Variants in RBM23 observed in about 807,000 individuals in gnomAD.
RBM23 encodes probable RNA-binding protein 23.
In RBM23, 53 loss-of-function variants were observed where a neutral mutation model predicts 56.2. The observed-to-expected ratio is 0.94, with a 90% CI of 0.76 to 1.19. RBM23 has a LOEUF of 1.19. Among genes scored for constraint, RBM23 ranks in the 50% most tolerant of loss-of-function variants. RBM23 has a pLI of 0.00. For missense variants in RBM23, 642 were observed against 590.3 expected (o/e 1.09, Z -0.91); for synonymous variants, 197 against 198.5 (o/e 0.99, Z 0.06).
At chr14:22,906,460 G>A (rs1353628092) in intron 4 of RBM23, 92 bp from the exon 5 acceptor site, 21 of 1,428,220 alleles carry the variant, frequency 1.5e-5, no homozygotes, top group Non-Finnish European at 2.0e-5. Context: ...GATTATAACG[G>A]TGCTGAGAAG....
intron 4 of RBM23, among the ~76,000 whole-genome samples, chr14:22,907,407 A>G (rs2041760076): frequency 6.6e-6 from 1 of 152,342 alleles, no homozygotes; most frequent in African/African-American, 2.4e-5. Context: ...TACAGTGTAC[A>G]ATAATCTATT....
chr14:22,896,937 C>G lies in RBM23; in HGVS notation c.*4793G>C, dbSNP rs938290153. ...CGGAATTCCTTTCCTGCATCCAGCT[C>G]GTGACTATTGCCTTCACCTGGTTGC... is the stretch of plus-strand genomic sequence containing the variant. On this transcript the variant is annotated 3_prime_UTR_variant, in exon 14 of 14. Coordinates refer to ENST00000359890, the MANE Select transcript of RBM23 (RefSeq NM_001077351.2). 1.6e-4 allele frequency: 24 copies of G among 152,222 alleles called. No individual in the cohort carries two copies. The highest frequency in any genetic ancestry group is 3.2e-4 in the Non-Finnish European group (22 of 68,030). The allele number at this position is 152,222 out of a possible 1,614,324, so 9.4% of individuals were successfully genotyped here. A position where few individuals can be genotyped will look rare whatever the true frequency, so the allele number is the denominator to read the frequency against.
rs2040219571 is a variant in RBM23 at position 22,894,670 on chromosome 14, G to C, written c.*7060C>G. Reference sequence around the variant, plus strand: ...GGAAGCAGAGGTTGAAGTGAGCAGAGATCGCAGTGAGCAGAGATCATGCCA... The same window carrying C: ...GGAAGCAGAGGTTGAAGTGAGCAGACATCGCAGTGAGCAGAGATCATGCCA... On this transcript the variant is annotated 3_prime_UTR_variant, in exon 14 of 14. Coordinates refer to ENST00000359890, the MANE Select transcript of RBM23 (RefSeq NM_001077351.2). 1 of 152,220 alleles carries C rather than the reference G, an allele frequency of 6.6e-6. No individual in the cohort carries two copies. The highest frequency in any genetic ancestry group is 1.5e-5 in the Non-Finnish European group (1 of 68,080). The allele number at this position is 152,220 out of a possible 1,614,324, so 9.4% of individuals were successfully genotyped here.
At chr14:22,905,780 C>T (rs887491450) in intron 5 of RBM23, 121 bp from the exon 6 acceptor site, 2 of 787,470 alleles carry the variant, frequency 2.5e-6, no homozygotes, top group South Asian at 3.5e-5. Flanking sequence ...GACAGGGTTT[C>T]CGCTGTCACC....
chr14:22,902,017 T>C lies in RBM23; in HGVS notation c.1209A>G (p.Ala403=). Residue 403 remains alanine (A), a synonymous_variant, in exon 12 of 14, where the codon GCA becomes GCG. Coordinates refer to ENST00000359890, the MANE Select transcript of RBM23 (RefSeq NM_001077351.2). ...CTGGATTCAGGGCCCCCAAGGGAAC[T>C]GCTCCATTCAGTTGCAAGGCAGCAG... ...AQAAALQLNG[A]VPLGALNPAA... is the part of the protein sequence containing the mutation. 3 of 1,612,662 alleles carry C rather than the reference T, an allele frequency of 1.9e-6. No homozygotes were observed. Among genetic ancestry groups the C allele is most frequent in the Non-Finnish European group, 2.5e-6 (3 of 1,179,132 alleles).
At chr14:22,915,350 GCCA>G (rs1555348014) in intron 1 of RBM23, among the ~76,000 whole-genome samples, 3 of 151,668 alleles carry the variant, frequency 2.0e-5, no homozygotes, top group Non-Finnish European at 4.4e-5. Context: ...ACAGGCATGC[GCCA>G]CCACATCCAG....
chr14:22,911,262 A>C (rs1254410186), intron 2 of RBM23, 66 bp downstream of exon 2: 2 of 1,279,192 alleles, frequency 1.6e-6, no homozygotes, highest in Admixed American at 3.6e-5. Flanking sequence ...TTGAAAGTTG[A>C]AAGTGATGAT....
intron 1 of RBM23, among the ~76,000 whole-genome samples, chr14:22,915,183 A>C (rs1480419572): frequency 6.6e-6 from 1 of 152,176 alleles, no homozygotes; most frequent in Non-Finnish European, 1.5e-5. Flanking sequence ...TGGAGAGAGA[A>C]GATTCTTAGA....
chr14:22,907,299 G>A (rs966354979), intron 4 of RBM23, among the ~76,000 whole-genome samples: 4 of 151,992 alleles, frequency 2.6e-5, no homozygotes, highest in East Asian at 3.8e-4. Context: ...CCAAGATCAC[G>A]CCATTGCATT....
At chr14:22,903,705 GC>G in intron 10 of RBM23, 1 of 1,009,614 alleles carries the variant, frequency 9.9e-7, no homozygotes, top group Non-Finnish European at 1.2e-6. Context: ...GTCACATGGG[GC>G]TGGAAGAACC....
At chr14:22,902,141 A>C (rs1292392970) in intron 11 of RBM23, 42 bp from the exon 12 acceptor site, 2 of 1,605,508 alleles carry the variant, frequency 1.2e-6, no homozygotes, top group Non-Finnish European at 1.7e-6. Flanking sequence ...CCAACCCTTC[A>C]TCTAAAATTC....
chr14:22,916,291 C>G (rs1450212303), intron 1 of RBM23, among the ~76,000 whole-genome samples: 1 of 150,856 alleles, frequency 6.6e-6, no homozygotes, highest in African/African-American at 2.4e-5. Context: ...GGATTTCACT[C>G]TGTTGCCCAA....
intron 10 of RBM23, chr14:22,903,372 T>C: frequency 1.0e-6 from 1 of 985,472 alleles, no homozygotes; most frequent in Non-Finnish European, 1.2e-6. Flanking sequence ...AGCCTTTCCA[T>C]ATCTCAGTCA....
At chr14:22,913,490 T>C (rs1196381725) in intron 1 of RBM23, among the ~76,000 whole-genome samples, 1 of 150,638 alleles carries the variant, frequency 6.6e-6, no homozygotes, top group Non-Finnish European at 1.5e-5. Flanking sequence ...GGCCAGGAGT[T>C]GTGGCTCACA....
In RBM23 at chr14:22,894,312, T is replaced by C. The variant is rs1426317003; in HGVS notation, c.*7418A>G. 6.6e-6 allele frequency: 1 copy of C among 152,140 alleles called. No individual in the cohort carries two copies. Among genetic ancestry groups the C allele is most frequent in the African/African-American group, 2.4e-5 (1 of 41,420 alleles). 9.4% of individuals were successfully genotyped at this position (152,140 alleles called of 1,614,324 possible). On this transcript the variant is annotated 3_prime_UTR_variant, in exon 14 of 14. Transcript: ENST00000359890. ...TTGGGTTTTGTCATCTGATGGAAGG[T>C]TGGGGGACAGATTGGCAATTGAAGC... is the stretch of plus-strand genomic sequence containing the variant.
chr14:22,913,608 A>G (rs2139098206), intron 1 of RBM23: 1 of 151,640 alleles, frequency 6.6e-6, no homozygotes, highest in East Asian at 2.0e-4. Context: ...TAAAAATATA[A>G]AAATTAAGGC....
chr14:22,908,920 G>A (rs982507994), intron 3 of RBM23, among the ~76,000 whole-genome samples: 9 of 151,308 alleles, frequency 5.9e-5, no homozygotes, highest in Non-Finnish European at 1.2e-4. Context: ...AAAACCTGGT[G>A]TTTCCAAATC....
Position 22,898,790 on chromosome 14 carries a change from A to G in RBM23, c.*2940T>C, listed in dbSNP as rs578256893. The G allele has an allele frequency of 7.6e-4, 115 of 152,016 alleles. No individual in the cohort carries two copies. The highest frequency in any genetic ancestry group is 2.7e-3 in the African/African-American group (110 of 41,486). The allele number at this position is 152,016 out of a possible 1,614,324, so 9.4% of individuals were successfully genotyped here. On this transcript the variant is annotated 3_prime_UTR_variant, in exon 14 of 14. Coordinates refer to ENST00000359890, the MANE Select transcript of RBM23 (RefSeq NM_001077351.2). ...AGGGAGGCAAGGCCTGTGGATATTT[A>G]TAATAGTCTGAAGGAGCCAAGCCAG...
chr14:22,907,469 T>G (rs8005677), intron 4 of RBM23, among the ~76,000 whole-genome samples: 1 of 151,988 alleles, frequency 6.6e-6, no homozygotes, highest in Non-Finnish European at 1.5e-5. Flanking sequence ...CCTAGCATCA[T>G]GAAAAGATAA....
Sources: gnomAD v4.1 joint callset for allele counts (sites outside exome capture counted in the v4.1 genomes callset) on GRCh38, gnomAD v4.1.1 for gene constraint, MANE v1.5 for transcripts, NCBI Gene and HGNC (gene_info 2026-07-23, HGNC 2026-07-21) for gene names.